PLXNA4: variants seen among roughly 807,000 people sequenced by gnomAD.
PLXNA4 encodes plexin-A4.
Under a neutral mutation model 191.8 loss-of-function variants are expected in PLXNA4, and 44 were observed. The observed-to-expected ratio is 0.23, with a 90% CI of 0.18 to 0.29. The LOEUF is 0.29. Among genes scored for constraint, PLXNA4 ranks in the 10% least tolerant of loss-of-function variants. PLXNA4 has a pLI of 1.00. For synonymous variants in PLXNA4, 1,082 were observed against 1,009.5 expected, an observed-to-expected ratio of 1.07 and a Z score of -1.36; for missense variants, 1,800 against 2,488.8, an observed-to-expected ratio of 0.72 and a Z score of 5.89.
chr7:132,150,291 GTT>G (rs778086300), intron 25 of PLXNA4, among the ~76,000 whole-genome samples: 1 of 152,090 alleles, frequency 6.6e-6, no homozygotes, highest in African/African-American at 2.4e-5. Flanking sequence ...TTTTTGTTTT[GTT>G]TTTTATTTTA....
chr7:132,574,544 T>C (rs1206098385), intron 1 of PLXNA4, among the ~76,000 whole-genome samples: 1 of 152,180 alleles, frequency 6.6e-6, no homozygotes, highest in Admixed American at 6.5e-5. Context: ...TGAGAACGCA[T>C]GTGTGTATAT....
chr7:132,298,095 C>A lies in PLXNA4; in HGVS notation c.1499G>T (p.Arg500Met), dbSNP rs865819604. The change falls in exon 4 of 32, where the codon AGG (arginine) becomes ATG (methionine). Residue 500 changes from arginine (R) to methionine (M), a missense_variant. By Grantham distance (91) the Arg-to-Met change is moderately conservative. Transcript: ENST00000321063. ...DHEQLYIMSERQLTRVPVESC... is the reference protein window; with the variant it reads ...DHEQLYIMSEMQLTRVPVESC... The stretch of plus-strand genomic sequence containing the variant: ...GCGGAGCCCGAAGAGCCTTACCTGC[C>A]TCTCTGACATGATGTAGAGTTGCTC... 3 of 1,614,086 alleles carry A rather than the reference C, an allele frequency of 1.9e-6. No individual in the cohort carries two copies. The African/African-American group carries it at 4.0e-5, about 22-fold the overall frequency.
At chr7:132,208,076 T>C (rs1797684278) in intron 10 of PLXNA4, among the ~76,000 whole-genome samples, 1 of 152,002 alleles carries the variant, frequency 6.6e-6, no homozygotes, top group Non-Finnish European at 1.5e-5. Context: ...TCTGTAACTA[T>C]GGTGGGGGTG....
intron 3 of PLXNA4, among the ~76,000 whole-genome samples, chr7:132,356,358 C>G (rs1199801543): frequency 6.6e-6 from 1 of 152,208 alleles, no homozygotes; most frequent in East Asian, 1.9e-4. Context: ...CCAATTATAA[C>G]CACAGTAAAC....
At chr7:132,636,525 A>G (rs1358681340) in intron 2 of PLXNA4, among the ~76,000 whole-genome samples, 1 of 152,178 alleles carries the variant, frequency 6.6e-6, no homozygotes, top group Non-Finnish European at 1.5e-5. Flanking sequence ...GCTCCATCCC[A>G]TGGTTGCTAT....
chr7:132,578,882 C>T (rs978789190), upstream of PLXNA4, among the ~76,000 whole-genome samples: 4 of 152,180 alleles, frequency 2.6e-5, no homozygotes, highest in Non-Finnish European at 4.4e-5. Flanking sequence ...CCCTGAATCC[C>T]AGACTCTAGA....
At chr7:132,491,409 C>A (rs982926791) in intron 2 of PLXNA4, among the ~76,000 whole-genome samples, 1 of 152,182 alleles carries the variant, frequency 6.6e-6, no homozygotes, top group Non-Finnish European at 1.5e-5. Flanking sequence ...CAGGCACTGT[C>A]CCTCCAGAGA....
At chr7:132,579,751 G>A (rs1802367525), upstream of PLXNA4, among the ~76,000 whole-genome samples, 1 of 151,888 alleles carries the variant, frequency 6.6e-6, no homozygotes, top group Admixed American at 6.5e-5. Flanking sequence ...GGGGCCAGGG[G>A]CCATATCTCA....
At chr7:132,479,396 T>A (rs985821846) in intron 3 of PLXNA4, among the ~76,000 whole-genome samples, 1 of 152,146 alleles carries the variant, frequency 6.6e-6, no homozygotes, top group Non-Finnish European at 1.5e-5. Flanking sequence ...CCAACACCCA[T>A]TTCTCACAGA....
chr7:132,371,948 C>A (rs1804458479), intron 3 of PLXNA4, among the ~76,000 whole-genome samples: 1 of 152,100 alleles, frequency 6.6e-6, no homozygotes, highest in Non-Finnish European at 1.5e-5. Flanking sequence ...GCATCCAAAG[C>A]CAAAAAGACA....
intron 4 of PLXNA4, among the ~76,000 whole-genome samples, chr7:132,286,120 G>A (rs1256238925): frequency 1.3e-5 from 2 of 152,180 alleles, no homozygotes; most frequent in Admixed American, 1.3e-4. Flanking sequence ...TCCCACAGCA[G>A]GACCACACTC....
intron 4 of PLXNA4, among the ~76,000 whole-genome samples, chr7:132,289,030 C>T (rs9656410): frequency 0.66 from 100,104 of 152,038 alleles, 34,736 homozygotes; most frequent in African/African-American, 0.88. Flanking sequence ...TCAAGCGATG[C>T]TGCCTTCTTA....
chr7:132,473,749 A>G (rs1401821383), intron 3 of PLXNA4, among the ~76,000 whole-genome samples: 1 of 152,132 alleles, frequency 6.6e-6, no homozygotes, highest in African/African-American at 2.4e-5. Flanking sequence ...CAGCTCCCTG[A>G]GAACAAGGGC....
intron 2 of PLXNA4, among the ~76,000 whole-genome samples, chr7:132,497,118 G>A (rs999995512): frequency 2.3e-5 from 2 of 86,212 alleles, no homozygotes; most frequent in African/African-American, 7.9e-5. Flanking sequence ...ACTTGTGCAC[G>A]CACGCACACA....
intron 1 of PLXNA4, among the ~76,000 whole-genome samples, chr7:132,562,190 T>TTTC (rs2116658067): frequency 1.6e-5 from 1 of 61,968 alleles, no homozygotes; most frequent in Non-Finnish European, 3.2e-5. Context: ...TCCTCCTCCT[T>TTTC]CTCCTCCTCC....
At chr7:132,161,348 C>G (rs1193959460) in intron 24 of PLXNA4, among the ~76,000 whole-genome samples, 1 of 152,258 alleles carries the variant, frequency 6.6e-6, no homozygotes, top group Non-Finnish European at 1.5e-5. Flanking sequence ...AAAGTGGAAG[C>G]AGTGGCCCCA....
chr7:132,295,639 G>A (rs911191301), intron 4 of PLXNA4, among the ~76,000 whole-genome samples: 1 of 152,138 alleles, frequency 6.6e-6, no homozygotes, highest in African/African-American at 2.4e-5. Flanking sequence ...CTGGGTTCCT[G>A]ATGCGCTCTC....
chr7:132,631,914 G>A lies in PLXNA4; in HGVS notation c.-87+14014C>T, dbSNP rs149749121. Among the ~76,000 whole-genome samples the A allele has an allele frequency of 1.5e-3, 235 of 152,228 alleles. 2 individuals are homozygous for A. Among genetic ancestry groups the A allele is most frequent in the African/African-American group, 5.4e-3 (224 of 41,530 alleles). ...TCCTCTCAACAAAACTCTAACTGCC[G>A]AAGAAATATGAGTGGGATTGGATTA... On this transcript the variant is annotated intron_variant, in intron 2 of 4. Coordinates refer to the PLXNA4 transcript ENST00000378539.
At chr7:132,258,491 G>A (rs1041385639) in intron 4 of PLXNA4, among the ~76,000 whole-genome samples, 1 of 152,260 alleles carries the variant, frequency 6.6e-6, no homozygotes, top group Non-Finnish European at 1.5e-5. Context: ...TCAAGGAGCA[G>A]AAGTGAAAGT....
Sources: gnomAD v4.1 joint callset for allele counts (sites outside exome capture counted in the v4.1 genomes callset) on GRCh38, gnomAD v4.1.1 for gene constraint, MANE v1.5 for transcripts, NCBI Gene and HGNC (gene_info 2026-07-23, HGNC 2026-07-21) for gene names.